Variants in PPP2R2B observed in about 807,000 individuals in gnomAD.
PPP2R2B encodes the protein protein phosphatase 2 regulatory subunit Bbeta.
In PPP2R2B, 5 loss-of-function variants were observed where a neutral mutation model predicts 46.0. That is an observed-to-expected ratio of 0.11 (90% CI 0.06 to 0.23). The LOEUF is 0.23. PPP2R2B is among the 10% of genes least tolerant of loss of function. The probability of loss-of-function intolerance (pLI) is 1.00; values close to 1 mark genes in which losing one functional copy is unlikely to be tolerated. For synonymous variants in PPP2R2B, 215 were observed against 206.7 expected (o/e 1.04, Z -0.34); for missense variants, 367 against 575.0 (o/e 0.64, Z 3.70).
At chr5:146,684,384 A>G (rs1337785583) in intron 5 of PPP2R2B, among the ~76,000 whole-genome samples, 1 of 152,196 alleles carries the variant, frequency 6.6e-6, no homozygotes, top group East Asian at 1.9e-4. Flanking sequence ...TCCTCCCAGA[A>G]TGAGTATTAC....
intron 2 of PPP2R2B, among the ~76,000 whole-genome samples, chr5:146,772,610 G>T (rs1273778038): frequency 6.6e-6 from 1 of 151,820 alleles, no homozygotes; most frequent in Non-Finnish European, 1.5e-5. Context: ...TTAGTGGAAT[G>T]CATTCCACTA....
chr5:146,792,006 G>A (rs1756231901), intron 2 of PPP2R2B, among the ~76,000 whole-genome samples: 1 of 152,164 alleles, frequency 6.6e-6, no homozygotes, highest in African/African-American at 2.4e-5. Context: ...CAGAGCTAAT[G>A]AGATGTTAGG....
At chr5:146,657,072 G>A (rs181548625) in intron 5 of PPP2R2B, among the ~76,000 whole-genome samples, 19 of 152,338 alleles carry the variant, frequency 1.2e-4, no homozygotes, top group Admixed American at 1.1e-3. Flanking sequence ...CCTAAGTGGG[G>A]GTTGGCGGGT....
At chr5:147,078,991 CA>C (rs1184528391) in intron 2 of PPP2R2B, among the ~76,000 whole-genome samples, 2 of 151,922 alleles carry the variant, frequency 1.3e-5, no homozygotes, top group Non-Finnish European at 2.9e-5. Flanking sequence ...GAGAGTAGGT[CA>C]TTTTTTTCTT....
At chr5:146,819,510 TC>T (rs1758131917) in intron 2 of PPP2R2B, among the ~76,000 whole-genome samples, 1 of 152,264 alleles carries the variant, frequency 6.6e-6, no homozygotes, top group African/African-American at 2.4e-5. Flanking sequence ...CTCCTGACCT[TC>T]CTAACAAAAG....
At chr5:146,690,623 C>T (rs7444356) in intron 5 of PPP2R2B, among the ~76,000 whole-genome samples, 27 of 152,172 alleles carry the variant, frequency 1.8e-4, no homozygotes, top group South Asian at 1.2e-3. Context: ...ACGAGCAGTA[C>T]GTACTGTGTT....
intron 5 of PPP2R2B, among the ~76,000 whole-genome samples, chr5:146,682,619 T>C (rs2151139134): frequency 6.6e-6 from 1 of 152,316 alleles, no homozygotes; most frequent in Non-Finnish European, 1.5e-5. Flanking sequence ...CAGGCTGCCG[T>C]CTGGGCATAG....
chr5:146,756,459 C>T (rs1753835804), intron 2 of PPP2R2B, among the ~76,000 whole-genome samples: 1 of 152,160 alleles, frequency 6.6e-6, no homozygotes, highest in Non-Finnish European at 1.5e-5. Flanking sequence ...TCTTCATTTT[C>T]CCCATGCTGC....
At chr5:146,678,197 A>G (rs1450779455) in intron 5 of PPP2R2B, among the ~76,000 whole-genome samples, 8 of 152,132 alleles carry the variant, frequency 5.3e-5, no homozygotes, top group African/African-American at 1.9e-4. Flanking sequence ...ATCCACCATG[A>G]TCAAGTGGGC....
At chr5:147,012,029 C>G (rs988115672) in intron 1 of PPP2R2B, among the ~76,000 whole-genome samples, 5 of 149,882 alleles carry the variant, frequency 3.3e-5, no homozygotes, top group African/African-American at 1.2e-4. Context: ...GGATAGTGGT[C>G]TAAAATTCTC....
At chr5:146,770,058 G>C (rs1467136571) in intron 2 of PPP2R2B, among the ~76,000 whole-genome samples, 1 of 152,034 alleles carries the variant, frequency 6.6e-6, no homozygotes, top group African/African-American at 2.4e-5. Context: ...GCTGGGTGTA[G>C]TGGCTCATGC....
chr5:147,018,562 G>A (rs1008269202), intron 1 of PPP2R2B, among the ~76,000 whole-genome samples: 1 of 152,102 alleles, frequency 6.6e-6, no homozygotes, highest in African/African-American at 2.4e-5. Flanking sequence ...TTTCTGAATA[G>A]GAAATGTTAT....
At chr5:146,704,946 A>T (rs987752602) in intron 2 of PPP2R2B, among the ~76,000 whole-genome samples, 6 of 152,186 alleles carry the variant, frequency 3.9e-5, no homozygotes, top group Admixed American at 2.6e-4. Flanking sequence ...ATGCCAGAGA[A>T]TTGAGTTGAG....
chr5:146,827,710 A>G (rs949693266), intron 2 of PPP2R2B, among the ~76,000 whole-genome samples: 3 of 151,840 alleles, frequency 2.0e-5, no homozygotes, highest in Admixed American at 1.3e-4. Flanking sequence ...TAAAGTATCG[A>G]CTCCATGCAC....
intron 2 of PPP2R2B, among the ~76,000 whole-genome samples, chr5:146,702,941 T>C (rs1053804338): frequency 6.6e-6 from 1 of 152,228 alleles, no homozygotes; most frequent in Non-Finnish European, 1.5e-5. Context: ...ATGTAACCAA[T>C]GCCCATGAAT....
chr5:147,020,055 C>T (rs979762556), intron 1 of PPP2R2B, among the ~76,000 whole-genome samples: 4 of 152,170 alleles, frequency 2.6e-5, no homozygotes, highest in African/African-American at 7.2e-5. Context: ...AACTCTGATG[C>T]TCTTTCTACC....
At chr5:146,851,278 A>T (rs1760332116) in intron 2 of PPP2R2B, among the ~76,000 whole-genome samples, 4 of 152,132 alleles carry the variant, frequency 2.6e-5, no homozygotes, top group Admixed American at 2.0e-4. Flanking sequence ...TTCATTCAAC[A>T]TTTAACAAAT....
intron 8 of PPP2R2B, 131 bp downstream of exon 8, chr5:146,600,160 C>T (rs1771636491): frequency 2.1e-6 from 2 of 949,778 alleles, no homozygotes; most frequent in Non-Finnish European, 3.2e-6. Flanking sequence ...ATAGCCTGTA[C>T]CATTTTACTG....
chr5:146,590,415 T>TTGAA (rs1362902487), intron 9 of PPP2R2B, among the ~76,000 whole-genome samples, 189 bp from the exon 10 acceptor site: 4 of 150,560 alleles, frequency 2.7e-5, no homozygotes, highest in African/African-American at 4.9e-5. Flanking sequence ...TTTTTTTTTT[T>TTGAA]TGAATCACTG....
Sources: gnomAD v4.1 joint callset for allele counts (sites outside exome capture counted in the v4.1 genomes callset) on GRCh38, gnomAD v4.1.1 for gene constraint, MANE v1.5 for transcripts, NCBI Gene and HGNC (gene_info 2026-07-23, HGNC 2026-07-21) for gene names.